Variants in SERPINI1 observed in about 807,000 individuals in gnomAD.
SERPINI1 encodes neuroserpin.
SERPINI1 carries 19 observed loss-of-function variants against 41.1 expected under a neutral mutation model. The observed-to-expected ratio is 0.46, with a 90% CI of 0.32 to 0.68. The LOEUF is 0.68. SERPINI1 is among the 30% of genes least tolerant of loss of function. SERPINI1 has a pLI of 0.03. For missense variants in SERPINI1, 460 were observed against 479.2 expected (o/e 0.96, Z 0.37); for synonymous variants, 138 against 156.6 (o/e 0.88, Z 0.89).
chr3:167,787,554 G>C (rs1258795525), intron 1 of SERPINI1, among the ~76,000 whole-genome samples: 2 of 152,184 alleles, frequency 1.3e-5, no homozygotes, highest in African/African-American at 4.8e-5. Flanking sequence ...CAGGGCTGCT[G>C]TGCTCTTGGC....
At chr3:167,769,875 A>AT (rs1035029489) in intron 1 of SERPINI1, among the ~76,000 whole-genome samples, 6 of 151,140 alleles carry the variant, frequency 4.0e-5, no homozygotes, top group African/African-American at 1.5e-4. Flanking sequence ...ATTTTGGTTG[A>AT]TTTTTTTAAT....
chr3:167,822,164 A>G (rs1174240400), intron 6 of SERPINI1, among the ~76,000 whole-genome samples: 1 of 152,214 alleles, frequency 6.6e-6, no homozygotes, highest in Non-Finnish European at 1.5e-5. Flanking sequence ...TTCCCTCTGT[A>G]CCTGTCTGTG....
intron 1 of SERPINI1, among the ~76,000 whole-genome samples, chr3:167,780,389 G>A (rs941746339): frequency 6.6e-6 from 1 of 152,146 alleles, no homozygotes; most frequent in African/African-American, 2.4e-5. Context: ...AAAGTTGTAA[G>A]GAAGGTTTTG....
chr3:167,763,357 TTGTG>T (rs35578479), intron 1 of SERPINI1, among the ~76,000 whole-genome samples: 14 of 147,630 alleles, frequency 9.5e-5, no homozygotes, highest in African/African-American at 2.6e-4. Context: ...AACCACAGTT[TTGTG>T]TGTGTGTGTG....
chr3:167,775,779 ATAGCTGGCAAG>A (rs1280448919), intron 1 of SERPINI1, among the ~76,000 whole-genome samples: 1 of 152,196 alleles, frequency 6.6e-6, no homozygotes, highest in Admixed American at 6.5e-5. Flanking sequence ...GGGCTGGCAC[ATAGCTGGCAAG>A]AATACATATT....
chr3:167,738,461 A>G (rs892059046), intron 1 of SERPINI1, among the ~76,000 whole-genome samples: 9 of 152,144 alleles, frequency 5.9e-5, no homozygotes, highest in African/African-American at 2.2e-4. Context: ...TCAAGATCAA[A>G]TGGTTTTGGT....
chr3:167,814,867 G>GT (rs1712018689), intron 6 of SERPINI1, among the ~76,000 whole-genome samples: 1 of 152,198 alleles, frequency 6.6e-6, no homozygotes, highest in Non-Finnish European at 1.5e-5. Context: ...CTGGAGGAAA[G>GT]TAGGACCAGT....
intron 1 of SERPINI1, among the ~76,000 whole-genome samples, chr3:167,739,085 A>C (rs1325893874): frequency 6.6e-6 from 1 of 151,476 alleles, no homozygotes; most frequent in Non-Finnish European, 1.5e-5. Context: ...ACGTACACAA[A>C]TAAGGGAGAG....
At chr3:167,756,337 G>A (rs900678045) in intron 1 of SERPINI1, among the ~76,000 whole-genome samples, 2 of 152,016 alleles carry the variant, frequency 1.3e-5, no homozygotes, top group South Asian at 4.2e-4. Context: ...CACTCTGCTT[G>A]CCCAGGCTAG....
At chr3:167,750,011 AAG>A (rs1559994776) in intron 1 of SERPINI1, among the ~76,000 whole-genome samples, 1 of 152,176 alleles carries the variant, frequency 6.6e-6, no homozygotes, top group Non-Finnish European at 1.5e-5. Context: ...AGGCATAAGA[AAG>A]AGGATTAATT....
intron 1 of SERPINI1, among the ~76,000 whole-genome samples, chr3:167,756,694 A>G (rs1435325487): frequency 6.6e-6 from 1 of 152,150 alleles, no homozygotes; most frequent in African/African-American, 2.4e-5. Flanking sequence ...TTTGAAAAAT[A>G]TATATAAGCA....
intron 6 of SERPINI1, among the ~76,000 whole-genome samples, chr3:167,815,379 C>CT (rs149219832): frequency 0.024 from 3,643 of 150,194 alleles, 125 homozygotes; most frequent in African/African-American, 0.083. Flanking sequence ...ATTTCTTTTT[C>CT]TTTTTTTTTC....
At chr3:167,796,693 CT>C (rs1310447780) in intron 5 of SERPINI1, among the ~76,000 whole-genome samples, 1 of 152,040 alleles carries the variant, frequency 6.6e-6, no homozygotes, top group Non-Finnish European at 1.5e-5. Context: ...GATCTCATTC[CT>C]TTTTATGGCT....
chr3:167,823,163 CA>C (rs1375022656), intron 7 of SERPINI1, 91 bp downstream of exon 7: 48 of 873,388 alleles, frequency 5.5e-5, no homozygotes, highest in Non-Finnish European at 8.2e-5. Flanking sequence ...AAAATGAAGC[CA>C]AAAAAGTCAC....
rs1199953442 is a variant in SERPINI1 at position 167,820,861 on chromosome 3, C to T, written c.980-2125C>T. On this transcript the variant is annotated intron_variant, in intron 6 of 8. Transcript: ENST00000446050. Reference sequence around the variant, plus strand: ...TTCTGTGGACCAGAATGAGAACTTACGGTGCTTTTTCCGCGCCACCTGTGG... The same window carrying T: ...TTCTGTGGACCAGAATGAGAACTTATGGTGCTTTTTCCGCGCCACCTGTGG... Among the ~76,000 whole-genome samples, 5 of 152,154 alleles carry T rather than the reference C, an allele frequency of 3.3e-5. No individual in the cohort carries two copies. The East Asian group carries it at 7.7e-4, about 24-fold the overall frequency.
At chr3:167,793,822 C>A (rs985812497) in intron 4 of SERPINI1, among the ~76,000 whole-genome samples, 1 of 111,946 alleles carries the variant, frequency 8.9e-6, no homozygotes, top group Non-Finnish European at 1.8e-5. Context: ...ATATATAGTT[C>A]ATTTTGGCCA....
intron 3 of SERPINI1, among the ~76,000 whole-genome samples, chr3:167,790,965 T>C (rs1727487557): frequency 6.6e-6 from 1 of 152,122 alleles, no homozygotes; most frequent in Non-Finnish European, 1.5e-5. Flanking sequence ...GTGATTAAAA[T>C]AGAGTAAAAA....
chr3:167,789,807 A>AT (rs577214046), intron 2 of SERPINI1, among the ~76,000 whole-genome samples: 8 of 151,992 alleles, frequency 5.3e-5, no homozygotes, highest in African/African-American at 1.9e-4. Context: ...AGCATCCAAG[A>AT]TTTTTTTTGA....
intron 5 of SERPINI1, among the ~76,000 whole-genome samples, chr3:167,806,326 G>C (rs182526422): frequency 1.8e-3 from 275 of 152,136 alleles, no homozygotes; most frequent in African/African-American, 6.2e-3. Context: ...CTGTCTGAGG[G>C]GGTAGGGGGG....
Sources: allele counts gnomAD v4.1 joint callset (sites outside exome capture counted in the v4.1 genomes callset), GRCh38; gene constraint gnomAD v4.1.1; transcripts MANE v1.5; gene names NCBI Gene and HGNC (gene_info 2026-07-23, HGNC 2026-07-21).